OSTM1: variants seen among roughly 807,000 people sequenced by gnomAD.
The protein encoded by OSTM1 is osteoclastogenesis associated transmembrane protein 1, also known as osteopetrosis-associated transmembrane protein 1.
OSTM1 carries 26 observed loss-of-function variants against 35.4 expected under a neutral mutation model. The ratio of observed to expected loss-of-function variants is 0.73; its 90% CI spans 0.54 to 1.02. The LOEUF is 1.02. Ranked by LOEUF, OSTM1 falls within the 50% of genes least tolerant of loss-of-function variation. The probability of loss-of-function intolerance (pLI) is 0.00; values close to 1 mark genes in which losing one functional copy is unlikely to be tolerated. For synonymous variants in OSTM1, 181 were observed against 165.0 expected (o/e 1.10, Z -0.75); for missense variants, 366 against 409.6 (o/e 0.89, Z 0.92).
At chr6:108,065,426 C>T (rs9400190) in intron 1 of OSTM1, among the ~76,000 whole-genome samples, 35,051 of 151,126 alleles carry the variant, frequency 0.23, 4,131 homozygotes, top group Admixed American at 0.26. Context: ...TTAGTACAGA[C>T]GGGGTTTCAC....
At chr6:108,046,411 A>G (rs1582385539) in intron 5 of OSTM1, among the ~76,000 whole-genome samples, 1 of 141,778 alleles carries the variant, frequency 7.1e-6, no homozygotes, top group East Asian at 2.1e-4. Flanking sequence ...GCGCGATCTC[A>G]GCTCACTGCA....
chr6:108,047,373 A>C (rs1482214546), intron 5 of OSTM1, among the ~76,000 whole-genome samples: 1 of 152,212 alleles, frequency 6.6e-6, no homozygotes, highest in Non-Finnish European at 1.5e-5. Context: ...AGGAGAATGG[A>C]TGTGACGAGT....
At position 108,064,313 on chromosome 6, in the gene OSTM1, A is replaced by AG; in HGVS notation, c.403-15_403-14insC. Reference sequence around the variant, plus strand: ...CTCTGAAGTATTCTGTAACAAAAAGAAGACAGAAAAATACAATCTGAGTAT... The same window carrying AG: ...CTCTGAAGTATTCTGTAACAAAAAGAGAGACAGAAAAATACAATCTGAGTAT... On this transcript the variant is annotated splice_polypyrimidine_tract_variant and intron_variant, in intron 1 of 5. Transcript: ENST00000193322. 7.4e-7 allele frequency: 1 copy of AG among 1,343,900 alleles called. No homozygotes were observed. Among genetic ancestry groups the AG allele is most frequent in the Non-Finnish European group, 1.1e-6 (1 of 940,296 alleles). 83.2% of individuals were successfully genotyped at this position (1,343,900 alleles called of 1,614,324 possible).
rs1772555589 is a variant in OSTM1, at chr6:108,074,543, T to C, written c.109A>G (p.Ser37Gly). Residue 37 changes from serine (S) to glycine (G), a missense_variant, in exon 1 of 6, where the codon AGC becomes GGC. Physicochemically the swap from Ser to Gly is moderately conservative, Grantham distance 56. Transcript: ENST00000193322. Reference protein sequence around the residue: ...GLALGALPFGSSPHRVFHDLL... With the variant: ...GLALGALPFGGSPHRVFHDLL... ...TCGTGGAAGACCCTGTGCGGACTGC[T>C]GCCGAAGGGGAGCGCGCCCAGGGCC... The C allele has an allele frequency of 6.4e-7, 1 of 1,556,790 alleles. No homozygotes were observed. The highest frequency in any genetic ancestry group is 8.7e-7 in the Non-Finnish European group (1 of 1,152,188).
intron 5 of OSTM1, among the ~76,000 whole-genome samples, chr6:108,045,180 T>C (rs1032725006): frequency 6.6e-6 from 1 of 152,090 alleles, no homozygotes; most frequent in African/African-American, 2.4e-5. Flanking sequence ...AAATTATACA[T>C]CTAAAAGTCT....
chr6:108,054,251 T>C (rs1217010732), intron 3 of OSTM1, among the ~76,000 whole-genome samples: 2 of 152,194 alleles, frequency 1.3e-5, no homozygotes, highest in African/African-American at 4.8e-5. Flanking sequence ...CAGATTCTCA[T>C]TACAAAATAC....
intron 1 of OSTM1, among the ~76,000 whole-genome samples, chr6:108,070,874 G>A (rs1310858316): frequency 7.5e-6 from 1 of 133,894 alleles, no homozygotes; most frequent in Non-Finnish European, 1.6e-5. Flanking sequence ...TGGGTAACAA[G>A]AGGGAAACTC....
intron 2 of OSTM1, among the ~76,000 whole-genome samples, chr6:108,058,675 G>A (rs549213824): frequency 1.1e-4 from 17 of 152,270 alleles, no homozygotes; most frequent in Admixed American, 5.9e-4. Context: ...CTACTCAGGA[G>A]GCTGAGGCAG....
chr6:108,065,961 T>C (rs1439629247), intron 1 of OSTM1, among the ~76,000 whole-genome samples: 1 of 142,852 alleles, frequency 7.0e-6, no homozygotes, highest in Non-Finnish European at 1.5e-5. Context: ...AAGCAGGATA[T>C]GAACTAAGCC....
intron 5 of OSTM1, among the ~76,000 whole-genome samples, chr6:108,047,370 T>C (rs1323308194): frequency 1.3e-5 from 2 of 152,136 alleles, no homozygotes; most frequent in Non-Finnish European, 2.9e-5. Context: ...ATGAGGAGAA[T>C]GGATGTGACG....
rs979653766 is a variant in OSTM1 at position 108,044,421 on chromosome 6, T to C, written c.*364A>G. 9 of 166,510 alleles carry C rather than the reference T, an allele frequency of 5.4e-5. No homozygotes were observed. Among genetic ancestry groups the C allele is most frequent in the Non-Finnish European group, 9.1e-5 (7 of 76,994 alleles). The allele number at this position is 166,510 out of a possible 1,614,324, so 10.3% of individuals were successfully genotyped here. A position where few individuals can be genotyped will look rare whatever the true frequency, so the allele number is the denominator to read the frequency against. ...TTACTGTAACTGATTAATTTTTAAA[T>C]GTTAGTTTTCAAAAACTTTTCTACT... On this transcript the variant is annotated 3_prime_UTR_variant, in exon 6 of 6. Transcript: ENST00000193322.
intron 2 of OSTM1, among the ~76,000 whole-genome samples, chr6:108,054,943 C>T (rs552907501): frequency 2.0e-5 from 3 of 152,200 alleles, no homozygotes; most frequent in Middle Eastern, 3.4e-3. Flanking sequence ...TTAATTTTAC[C>T]GAAACTCATA....
intron 1 of OSTM1, among the ~76,000 whole-genome samples, chr6:108,072,667 A>AC (rs998373079): frequency 1.3e-5 from 2 of 151,662 alleles, no homozygotes; most frequent in Admixed American, 6.6e-5. Context: ...AAAAAAAAAA[A>AC]CATGCTCTTT....
chr6:108,060,822 C>T (rs1772259704), intron 2 of OSTM1: 2 of 152,184 alleles, frequency 1.3e-5, no homozygotes, highest in Admixed American at 6.5e-5. Flanking sequence ...ACCCCTGGCT[C>T]ATCTGAAGGT....
At position 108,045,506 on chromosome 6, in the gene OSTM1, A is replaced by AC. The variant is rs200621933; in HGVS notation, c.950-667_950-666insG. ...GAAAGAACTCTGTAATGGGAAAAAA[A>AC]AAAAACAAAAACATTTTAATGACCC... is the stretch of plus-strand genomic sequence containing the variant. On this transcript the variant is annotated intron_variant, in intron 5 of 5. Coordinates refer to ENST00000193322, the MANE Select transcript of OSTM1 (RefSeq NM_014028.4). Among the ~76,000 whole-genome samples the AC allele has an allele frequency of 7.7e-3, 1,175 of 152,030 alleles. 16 individuals carry two copies. The highest frequency in any genetic ancestry group is 0.025 in the African/African-American group (1,025 of 41,502).
At chr6:108,053,504 C>T (rs1037484780) in intron 3 of OSTM1, among the ~76,000 whole-genome samples, 3 of 152,272 alleles carry the variant, frequency 2.0e-5, no homozygotes, top group East Asian at 3.9e-4. Context: ...AAATGTTCAC[C>T]TAATTTTTTT....
At chr6:108,056,674 C>T (rs1772174332) in intron 2 of OSTM1, among the ~76,000 whole-genome samples, 2 of 152,320 alleles carry the variant, frequency 1.3e-5, no homozygotes, top group African/African-American at 4.8e-5. Flanking sequence ...AATTCAGCCC[C>T]ATTCACCTCC....
intron 2 of OSTM1, among the ~76,000 whole-genome samples, chr6:108,061,408 C>T (rs1386827813): frequency 6.6e-6 from 1 of 151,762 alleles, no homozygotes; most frequent in Non-Finnish European, 1.5e-5. Flanking sequence ...CTTGCCTAAA[C>T]TATAGCAGTA....
At chr6:108,065,710 T>C (rs1166397724) in intron 1 of OSTM1, among the ~76,000 whole-genome samples, 3 of 152,202 alleles carry the variant, frequency 2.0e-5, no homozygotes, top group Non-Finnish European at 2.9e-5. Flanking sequence ...GCACACTGTC[T>C]GGCACACAGT....
Sources: allele counts gnomAD v4.1 joint callset (sites outside exome capture counted in the v4.1 genomes callset), GRCh38; gene constraint gnomAD v4.1.1; transcripts MANE v1.5; gene names NCBI Gene and HGNC (gene_info 2026-07-23, HGNC 2026-07-21).